The following ZNF532 variants were observed in gnomAD, a reference collection of about 807,000 sequenced individuals.
ZNF532 encodes the protein zinc finger protein 532.
ZNF532 carries 22 observed loss-of-function variants against 89.3 expected under a neutral mutation model. That is an observed-to-expected ratio of 0.25 (90% CI 0.18 to 0.35). The LOEUF (loss-of-function observed/expected upper bound fraction) is 0.35, where lower values mean the gene tolerates loss of function less well. Among genes scored for constraint, ZNF532 ranks in the 10% least tolerant of loss-of-function variants. The pLI, the probability that ZNF532 is intolerant of heterozygous loss-of-function variation, is 1.00. For missense variants in ZNF532, 1,132 were observed against 1,643.4 expected (o/e 0.69, Z 5.38); for synonymous variants, 606 against 649.6 (o/e 0.93, Z 1.02).
chr18:58,910,498 G>A (rs1426269269), intron 2 of ZNF532, among the ~76,000 whole-genome samples: 2 of 151,600 alleles, frequency 1.3e-5, no homozygotes, highest in South Asian at 2.1e-4. Flanking sequence ...AAAGAGTCTC[G>A]CTTCATCACT....
chr18:58,901,193 T>G (rs894051763), intron 2 of ZNF532, among the ~76,000 whole-genome samples: 1 of 152,236 alleles, frequency 6.6e-6, no homozygotes, highest in Non-Finnish European at 1.5e-5. Context: ...AACTTCTCTT[T>G]TCTGGAGCTG....
chr18:58,946,438 A>AT (rs1391320795), intron 5 of ZNF532, among the ~76,000 whole-genome samples: 5 of 151,958 alleles, frequency 3.3e-5, no homozygotes, highest in African/African-American at 1.2e-4. Context: ...CACCCAGCTA[A>AT]TTTTTTGTAT....
At chr18:58,925,484 T>C (rs1322610090) in intron 3 of ZNF532, among the ~76,000 whole-genome samples, 1 of 152,254 alleles carries the variant, frequency 6.6e-6, no homozygotes, top group Non-Finnish European at 1.5e-5. Context: ...AACAGATCAA[T>C]TGGGTTTCAC....
At chr18:58,872,404 T>C (rs760290428) in intron 2 of ZNF532, among the ~76,000 whole-genome samples, 1 of 152,242 alleles carries the variant, frequency 6.6e-6, no homozygotes, top group Admixed American at 6.5e-5. Flanking sequence ...TAATGGGTAT[T>C]GATTTTATCA....
chr18:58,973,928 G>T (rs1436856729), intron 7 of ZNF532, among the ~76,000 whole-genome samples: 1 of 152,152 alleles, frequency 6.6e-6, no homozygotes, highest in Non-Finnish European at 1.5e-5. Flanking sequence ...ATGACAAATG[G>T]AGAAAGCAAA....
chr18:58,864,189 G>A (rs2056230440), upstream of ZNF532: 2 of 152,364 alleles, frequency 1.3e-5, no homozygotes, highest in Non-Finnish European at 2.9e-5. Flanking sequence ...TTCCCCCGAG[G>A]TGAAGGGATT....
chr18:58,920,750 GTGT>G, intron 3 of ZNF532, 117 bp downstream of exon 3: 1 of 472,846 alleles, frequency 2.1e-6, no homozygotes, highest in South Asian at 3.4e-5. Context: ...GTGTGTGTGT[GTGT>G]GTGTGTGTGT....
chr18:58,930,118 C>T lies in ZNF532; in HGVS notation c.2347-4315C>T, dbSNP rs557112965. Among the ~76,000 whole-genome samples the T allele has an allele frequency of 2.0e-5, 3 of 152,236 alleles. No individual in the cohort carries two copies. The South Asian group carries it at 6.2e-4, about 32-fold the overall frequency. Reference sequence around the variant, plus strand: ...CTCTAGCCTCTCTCACTCTCATGTACCTCTCCCAGGCTACTTTTCTGCCTA... The same window carrying T: ...CTCTAGCCTCTCTCACTCTCATGTATCTCTCCCAGGCTACTTTTCTGCCTA... On this transcript the variant is annotated intron_variant, in intron 3 of 9. Transcript: ENST00000591808.
chr18:58,942,109 A>G (rs1311525860), intron 5 of ZNF532, among the ~76,000 whole-genome samples: 16 of 126,170 alleles, frequency 1.3e-4, no homozygotes, highest in African/African-American at 1.5e-4. Context: ...TGCAAGCTCC[A>G]CCTCCCGAGT....
chr18:58,945,731 ATTTT>A (rs1555742692), intron 5 of ZNF532, among the ~76,000 whole-genome samples: 1 of 145,094 alleles, frequency 6.9e-6, no homozygotes. Context: ...TTATTTATTT[ATTTT>A]TTTTTTTTTT....
Position 58,954,781 on chromosome 18 carries a change from C to T in ZNF532, c.3150+982C>T, listed in dbSNP as rs940453276. ...AGGCTGAAATGCAGTGGCATGATCT[C>T]GGCTTGCTGCAATCTCTACCTCCTG... On this transcript the variant is annotated intron_variant, in intron 7 of 9. Transcript: ENST00000591808. 6.1e-5 allele frequency among the ~76,000 whole-genome samples: 9 copies of T among 147,300 alleles called. No individual in the cohort carries two copies. The South Asian group carries it at 6.3e-4, about 10-fold the overall frequency.
intron 2 of ZNF532, among the ~76,000 whole-genome samples, chr18:58,913,622 G>T (rs932372890): frequency 4.0e-5 from 6 of 151,356 alleles, no homozygotes; most frequent in Admixed American, 1.3e-4. Flanking sequence ...ATATATAAAA[G>T]AATTATTTTT....
chr18:58,913,807 A>C (rs980161136), intron 2 of ZNF532, among the ~76,000 whole-genome samples: 4 of 152,160 alleles, frequency 2.6e-5, no homozygotes, highest in Non-Finnish European at 5.9e-5. Context: ...TTCTCTAAGT[A>C]GGACTGTTAT....
At chr18:58,877,821 G>C (rs1351726501) in intron 2 of ZNF532, among the ~76,000 whole-genome samples, 2 of 152,320 alleles carry the variant, frequency 1.3e-5, no homozygotes, top group East Asian at 3.9e-4. Context: ...CCTAAGGATG[G>C]TCAAGGCTGT....
rs148995645 is a variant in ZNF532 at position 58,944,595 on chromosome 18, G to A, written c.2706-3472G>A. On this transcript the variant is annotated intron_variant, in intron 5 of 9. Coordinates refer to ENST00000591808, the MANE Select transcript of ZNF532 (RefSeq NM_001375912.1). The stretch of plus-strand genomic sequence containing the variant: ...CAGTAGACCCCTGCCTTTGTGCAGA[G>A]TGGTCTCTCCATCTTGAATGCTGCC... Among the ~76,000 whole-genome samples, 833 of 152,222 alleles carry A rather than the reference G, an allele frequency of 5.5e-3. 4 individuals carry two copies. Among genetic ancestry groups the A allele is most frequent in the African/African-American group, 0.019 (792 of 41,542 alleles).
intron 7 of ZNF532, among the ~76,000 whole-genome samples, chr18:58,966,736 G>GTGTTC (rs1163104329): frequency 1.8e-5 from 2 of 111,168 alleles, no homozygotes; most frequent in Non-Finnish European, 3.5e-5. Context: ...GCATTTTTTT[G>GTGTTC]TGTTTTTTTT....
At chr18:58,975,028 T>G (rs1418899113) in intron 7 of ZNF532, among the ~76,000 whole-genome samples, 3 of 152,228 alleles carry the variant, frequency 2.0e-5, no homozygotes, top group African/African-American at 7.2e-5. Context: ...CGATGTTGCA[T>G]TACAGCAGAA....
intron 2 of ZNF532, among the ~76,000 whole-genome samples, chr18:58,873,488 G>A (rs1015412354): frequency 2.6e-5 from 4 of 151,260 alleles, no homozygotes; most frequent in African/African-American, 7.3e-5. Flanking sequence ...TTGCTCTGTC[G>A]CCCATACTGG....
At chr18:58,902,755 G>A (rs2059682741) in intron 2 of ZNF532, among the ~76,000 whole-genome samples, 1 of 152,042 alleles carries the variant, frequency 6.6e-6, no homozygotes, top group South Asian at 2.1e-4. Context: ...GCTTCCCAAA[G>A]TGCTGGGATT....
Sources: gnomAD v4.1 joint callset for allele counts (sites outside exome capture counted in the v4.1 genomes callset) on GRCh38, gnomAD v4.1.1 for gene constraint, MANE v1.5 for transcripts, NCBI Gene and HGNC (gene_info 2026-07-23, HGNC 2026-07-21) for gene names.